PPP1R10: variants seen among roughly 807,000 people sequenced by gnomAD.
PPP1R10 encodes serine/threonine-protein phosphatase 1 regulatory subunit 10.
A neutral mutation model predicts 99.0 loss-of-function variants in PPP1R10; 15 were observed. The observed-to-expected ratio is 0.15, with a 90% CI of 0.10 to 0.23. The LOEUF (loss-of-function observed/expected upper bound fraction) is 0.23, where lower values mean the gene tolerates loss of function less well. Ranked by LOEUF, PPP1R10 falls within the 10% of genes least tolerant of loss-of-function variation. The pLI, the probability that PPP1R10 is intolerant of heterozygous loss-of-function variation, is 1.00. For missense variants in PPP1R10, 947 were observed against 1,259.4 expected, an observed-to-expected ratio of 0.75 and a Z score of 3.75; for synonymous variants, 430 against 449.5, an observed-to-expected ratio of 0.96 and a Z score of 0.55.
chr6:30,605,465 G>A (rs192747522), intron 10 of PPP1R10, among the ~76,000 whole-genome samples: 2 of 152,136 alleles, frequency 1.3e-5, no homozygotes, highest in East Asian at 3.9e-4. Flanking sequence ...AGTTCCAGAG[G>A]TACAAAAAGT....
In PPP1R10 at chr6:30,602,219, G is replaced by A. The variant is rs1460163561; in HGVS notation, c.2430C>T (p.Gly810=). ...GGCCTTCATGGGGACGATGGCCACT[G>A]CCACCACTGATGCCACCGCCAGGGC... The part of the protein sequence containing the change: ...HEGPGGGISG[G]SGHRPHEGPG... The change falls in exon 19 of 20, where the codon GGC becomes GGT. Residue 810 remains glycine, a synonymous_variant. Coordinates refer to ENST00000376511, the MANE Select transcript of PPP1R10 (RefSeq NM_002714.4). This position sits in a 1 kb window ranked among gnomAD's most constrained non-coding sequence, Gnocchi z 6.7. 4.3e-6 allele frequency: 7 copies of A among 1,610,526 alleles called. No homozygotes were observed. Among genetic ancestry groups the A allele is most frequent in the Non-Finnish European group, 4.2e-6 (5 of 1,178,906 alleles).
rs1803963045 is a variant in PPP1R10 at position 30,606,505 on chromosome 6, G to A, written c.597C>T (p.Arg199=). 8 of 1,613,570 alleles carry A rather than the reference G, an allele frequency of 5.0e-6. No homozygotes were observed. Among genetic ancestry groups the A allele is most frequent in the Non-Finnish European group, 6.8e-6 (8 of 1,180,032 alleles). The change falls in exon 8 of 20, where the codon CGC becomes CGT. Residue 199 remains arginine, a synonymous_variant. Coordinates refer to ENST00000376511, the MANE Select transcript of PPP1R10 (RefSeq NM_002714.4). The surrounding 1 kb of genome is among the most constrained non-coding windows in gnomAD (Gnocchi z 6.3). ...ACTTGGCATGACTGGGTGCTGTGGT[G>A]CGAAGAGACTTGGGCTTCTCCCTCT... ...EKKREKPKSL[R]TTAPSHAKFR...
chr6:30,604,925 C>G lies in PPP1R10; in HGVS notation c.954+69G>C. ...TGTTGTCCTCCCCGACAACTCCTAGCTGCTGTGCCCTTTCTTCTACTTTAC... is the reference window on the plus strand; with the variant it reads ...TGTTGTCCTCCCCGACAACTCCTAGGTGCTGTGCCCTTTCTTCTACTTTAC... On this transcript the variant is annotated intron_variant, in intron 11 of 19. Transcript: ENST00000376511. The surrounding 1 kb of genome is among the most constrained non-coding windows in gnomAD (Gnocchi z 7.3). 6.4e-7 allele frequency: 1 copy of G among 1,552,322 alleles called. No individual in the cohort carries two copies. Among genetic ancestry groups the G allele is most frequent in the Non-Finnish European group, 8.9e-7 (1 of 1,125,774 alleles).
chr6:30,611,226 T>A (rs1200758737), intron 2 of PPP1R10, among the ~76,000 whole-genome samples: 1 of 152,190 alleles, frequency 6.6e-6, no homozygotes, highest in Non-Finnish European at 1.5e-5. Context: ...GGAGGACTGC[T>A]TGAGCCCAGG....
intron 6 of PPP1R10, among the ~76,000 whole-genome samples, chr6:30,607,602 A>C (rs1352762422): frequency 6.6e-6 from 1 of 152,240 alleles, no homozygotes; most frequent in Admixed American, 6.5e-5. Flanking sequence ...TTTAGGAATC[A>C]GCTTCCAGTT....
intron 10 of PPP1R10, 86 bp from the exon 11 acceptor site, chr6:30,605,180 C>G: frequency 8.4e-7 from 1 of 1,186,820 alleles, no homozygotes; most frequent in Non-Finnish European, 1.2e-6. Flanking sequence ...ATAAAATGAG[C>G]CAGTGAAGAC....
chr6:30,607,125 G>C (rs2127443163), intron 6 of PPP1R10, among the ~76,000 whole-genome samples: 1 of 152,294 alleles, frequency 6.6e-6, no homozygotes. Flanking sequence ...AGAATATGTG[G>C]TTAAAATCTA....
rs558732726 is a variant in PPP1R10, at chr6:30,606,850, C to T, written c.389G>A (p.Arg130Gln). ...LSKSSEDEEL[R>Q]KLASVLVSDW... ...GCTGACAAGGACTGAGGCCAATTTC[C>T]GGAGCTCTGCAGGTGACAGAAAGGG... Residue 130 changes from arginine to glutamine, a missense_variant, in exon 7 of 20, where the codon CGG becomes CAG. Arg to Gln is a conservative substitution (Grantham distance 43). Around this residue, in one of 10 missense-constraint regions of PPP1R10, gnomAD observed 92 missense variants for 159.2 expected, o/e 0.58. Coordinates refer to ENST00000376511, the MANE Select transcript of PPP1R10 (RefSeq NM_002714.4). This position sits in a 1 kb window ranked among gnomAD's most constrained non-coding sequence, Gnocchi z 6.3. 6.2e-6 allele frequency: 10 copies of T among 1,613,458 alleles called. No homozygotes were observed. The highest frequency in any genetic ancestry group is 5.0e-5 in the Admixed American group (3 of 60,010).
rs3216458 is a variant in PPP1R10, at chr6:30,614,300, GA to G, written c.-12+2177del. 2.0e-3 allele frequency among the ~76,000 whole-genome samples: 284 copies of G among 144,852 alleles called. 4 individuals are homozygous for G. The highest frequency in any genetic ancestry group is 4.9e-3 in the African/African-American group (196 of 39,808). ...AATTCAAAAAAGGTGGCTCTTTGGG[GA>G]AAAAAAAAAAATGAAAGTTGTGAAA... On this transcript the variant is annotated intron_variant, in intron 2 of 19. Transcript: ENST00000376511.
Position 30,602,352 on chromosome 6 carries a change from C to A in PPP1R10, c.2297G>T (p.Gly766Val), listed in dbSNP as rs767058929. The A allele has an allele frequency of 1.2e-6, 2 of 1,612,838 alleles. No homozygotes were observed. Among genetic ancestry groups the A allele is most frequent in the Admixed American group, 3.3e-5 (2 of 60,010 alleles). ...GPGGGMGNSS[G>V]HRPHEGPGGG... The stretch of plus-strand genomic sequence containing the variant: ...GCCAGGGCCTTCGTGGGGACGATGT[C>A]CACTGCTGTTGCCCATGCCCCCACC... Residue 766 changes from glycine (G) to valine (V), a missense_variant, in exon 19 of 20, where the codon GGA (glycine) becomes GTA (valine). Physicochemically the swap from Gly to Val is moderately radical, Grantham distance 109 (BLOSUM62 -3). Transcript: ENST00000376511. The surrounding 1 kb of genome is among the most constrained non-coding windows in gnomAD (Gnocchi z 6.7).
In PPP1R10 at chr6:30,616,237, C is replaced by G. The variant is rs546952477; in HGVS notation, c.-12+241G>C. Reference sequence around the variant, plus strand: ...AACCATCAAAATCCTCACTTGCTGGCCCTCCCTCCACCCTCTCTTTGCCTG... The same window carrying G: ...AACCATCAAAATCCTCACTTGCTGGGCCTCCCTCCACCCTCTCTTTGCCTG... On this transcript the variant is annotated intron_variant, in intron 2 of 19. Transcript: ENST00000376511. Among the ~76,000 whole-genome samples the G allele has an allele frequency of 2.0e-5, 3 of 152,324 alleles. 1 individual carries two copies. Among genetic ancestry groups the G allele is most frequent in the Admixed American group, 2.0e-4 (3 of 15,304 alleles).
chr6:30,611,972 T>C (rs1020895266), intron 2 of PPP1R10, among the ~76,000 whole-genome samples: 1 of 152,130 alleles, frequency 6.6e-6, no homozygotes, highest in Non-Finnish European at 1.5e-5. Context: ...TATAAAGTGA[T>C]CTATAGAAAC....
chr6:30,609,989 G>A lies in PPP1R10; in HGVS notation c.-11-34C>T, dbSNP rs1392216036. ...AGAGGACAAAACAAACAAACCCACA[G>A]AATAAATGGGTGGCAAGGACTACCC... On this transcript the variant is annotated intron_variant, in intron 2 of 19. Coordinates refer to ENST00000376511, the MANE Select transcript of PPP1R10 (RefSeq NM_002714.4). The surrounding 1 kb of genome is among the most constrained non-coding windows in gnomAD (Gnocchi z 4.5). The A allele has an allele frequency of 2.1e-6, 3 of 1,460,234 alleles. No homozygotes were observed. The highest frequency in any genetic ancestry group is 2.3e-5 in the East Asian group (1 of 44,086). 90.5% of individuals were successfully genotyped at this position (1,460,234 alleles called of 1,614,324 possible). A position where few individuals can be genotyped will look rare whatever the true frequency, so the allele number is the denominator to read the frequency against.
In PPP1R10 at chr6:30,602,282, A is replaced by G; in HGVS notation, c.2367T>C (p.Gly789=). Residue 789 remains glycine (G), a synonymous_variant, in exon 19 of 20, where the codon GGT becomes GGC. Transcript: ENST00000376511. This position sits in a 1 kb window ranked among gnomAD's most constrained non-coding sequence, Gnocchi z 6.7. ...SGHRPHEGPG[G]SMGGGGGHRP... The stretch of plus-strand genomic sequence containing the variant: ...GATGTCCTCCACCCCCACCCATGCT[A>G]CCACCAGGGCCTTCATGGGGGCGAT... 1 of 1,608,892 alleles carries G rather than the reference A, an allele frequency of 6.2e-7. No homozygotes were observed. Among genetic ancestry groups the G allele is most frequent in the Non-Finnish European group, 8.5e-7 (1 of 1,178,434 alleles).
rs1804238250 is a variant in PPP1R10, at chr6:30,608,759, G to A, written c.330+20C>T. The A allele has an allele frequency of 1.2e-6, 2 of 1,611,146 alleles. No individual in the cohort carries two copies. The highest frequency in any genetic ancestry group is 1.7e-6 in the Non-Finnish European group (2 of 1,178,246). On this transcript the variant is annotated intron_variant, in intron 5 of 19. Coordinates refer to ENST00000376511, the MANE Select transcript of PPP1R10 (RefSeq NM_002714.4). ...ACTAAACCAAAAAAGGAAGAATCAGGGTTTAAAGACTAAAGGTACCTGCTT... is the reference window on the plus strand; with the variant it reads ...ACTAAACCAAAAAAGGAAGAATCAGAGTTTAAAGACTAAAGGTACCTGCTT...
In PPP1R10 at chr6:30,608,941, G is replaced by C. The variant is rs1306053593; in HGVS notation, c.195-27C>G. 7 of 1,613,812 alleles carry C rather than the reference G, an allele frequency of 4.3e-6. No individual in the cohort carries two copies. The Admixed American group carries it at 5.0e-5, about 12-fold the overall frequency. ...TGCAGGCAGGCAGGAGAGTCTATCAGTAATGCCCTTTCTAGGTTTTGACAG... is the reference window on the plus strand; with the variant it reads ...TGCAGGCAGGCAGGAGAGTCTATCACTAATGCCCTTTCTAGGTTTTGACAG... On this transcript the variant is annotated intron_variant, in intron 4 of 19. Transcript: ENST00000376511.
chr6:30,603,663 A>G lies in PPP1R10; in HGVS notation c.1576T>C (p.Cys526Arg). 2 of 1,585,750 alleles carry G rather than the reference A, an allele frequency of 1.3e-6. No individual in the cohort carries two copies. The highest frequency in any genetic ancestry group is 8.6e-7 in the Non-Finnish European group (1 of 1,168,594). ...ACATACGGAGTCTCATCCATGGAAC[A>G]CTCCTGAAAGAAGAACAAAAAAAAT... is the stretch of plus-strand genomic sequence containing the variant. ...PPKLIPLDEE[C>R]SMDETPYVET... Residue 526 changes from cysteine (C) to arginine (R), a missense_variant, in exon 16 of 20, where the codon TGT (cysteine) becomes CGT (arginine). Around this residue, in one of 10 missense-constraint regions of PPP1R10, gnomAD observed 525 missense variants for 578.8 expected, o/e 0.91. Coordinates refer to ENST00000376511, the MANE Select transcript of PPP1R10 (RefSeq NM_002714.4).
chr6:30,603,417 G>A (rs985826718), intron 16 of PPP1R10, 55 bp downstream of exon 16: 2 of 1,592,082 alleles, frequency 1.3e-6, no homozygotes, highest in Non-Finnish European at 1.7e-6. Flanking sequence ...ACAGTGAGGA[G>A]AGCGAGCTTA....
intron 2 of PPP1R10, among the ~76,000 whole-genome samples, chr6:30,615,602 A>G (rs1760402573): frequency 6.6e-6 from 1 of 152,218 alleles, no homozygotes; most frequent in Admixed American, 6.5e-5. Context: ...ATCTTTTAGA[A>G]AGCTAGCATT....
Sources: allele counts gnomAD v4.1 joint callset (sites outside exome capture counted in the v4.1 genomes callset), GRCh38; gene constraint gnomAD v4.1.1; regional missense constraint gnomAD v4.1.1; non-coding constraint Gnocchi (gnomAD v3.1); transcripts MANE v1.5; gene names NCBI Gene and HGNC (gene_info 2026-07-23, HGNC 2026-07-21).